The following CADM2 variants were observed in gnomAD, a reference collection of about 807,000 sequenced individuals.
The protein encoded by CADM2 is cell adhesion molecule 2.
A neutral mutation model predicts 49.8 loss-of-function variants in CADM2; 12 were observed. The ratio of observed to expected loss-of-function variants is 0.24; its 90% confidence interval spans 0.15 to 0.39. CADM2 has a LOEUF of 0.39. CADM2 is among the 10% of genes least tolerant of loss of function. CADM2 has a pLI of 1.00. For missense variants in CADM2, 378 were observed against 492.3 expected (o/e 0.77, Z 2.20); for synonymous variants, 214 against 175.4 (o/e 1.22, Z -1.74).
intron 1 of CADM2, among the ~76,000 whole-genome samples, chr3:85,281,275 C>T (rs2043492842): frequency 6.6e-6 from 1 of 151,616 alleles, no homozygotes; most frequent in Non-Finnish European, 1.5e-5. Flanking sequence ...ATTATTAGAT[C>T]AGGGTTAATA....
At chr3:85,496,088 G>C (rs957511394) in intron 1 of CADM2, among the ~76,000 whole-genome samples, 1 of 152,106 alleles carries the variant, frequency 6.6e-6, no homozygotes, top group Non-Finnish European at 1.5e-5. Context: ...TACACGTTCA[G>C]GTTTGTTACA....
At chr3:85,852,383 G>A (rs2075142190) in intron 3 of CADM2, among the ~76,000 whole-genome samples, 1 of 152,036 alleles carries the variant, frequency 6.6e-6, no homozygotes, top group African/African-American at 2.4e-5. Context: ...ATAGCTGGTA[G>A]CAAAGATCTT....
chr3:85,484,791 T>C (rs563999005), intron 1 of CADM2, among the ~76,000 whole-genome samples: 1 of 152,102 alleles, frequency 6.6e-6, no homozygotes, highest in African/African-American at 2.4e-5. Context: ...TCATTGATGG[T>C]TTATCAAATC....
chr3:85,395,270 C>T (rs1489493441), intron 1 of CADM2, among the ~76,000 whole-genome samples: 10 of 126,302 alleles, frequency 7.9e-5, no homozygotes, highest in African/African-American at 3.2e-4. Flanking sequence ...TGCACTTCAG[C>T]CTGGGCAATA....
At chr3:85,740,772 C>T (rs552105287) in intron 2 of CADM2, among the ~76,000 whole-genome samples, 32 of 152,274 alleles carry the variant, frequency 2.1e-4, no homozygotes, top group African/African-American at 7.2e-4. Context: ...ACACAACTTA[C>T]CTTGATGTAC....
chr3:85,916,171 C>A (rs539421631), intron 6 of CADM2, among the ~76,000 whole-genome samples: 7 of 151,982 alleles, frequency 4.6e-5, no homozygotes, highest in East Asian at 1.9e-4. Context: ...AAAGAGAGTT[C>A]TCTTTTTTTA....
At chr3:85,765,541 C>A (rs2069613765) in intron 2 of CADM2, among the ~76,000 whole-genome samples, 1 of 151,980 alleles carries the variant, frequency 6.6e-6, no homozygotes, top group East Asian at 1.9e-4. Flanking sequence ...ATAGTATCTC[C>A]CTATTTCCTG....
intron 1 of CADM2, among the ~76,000 whole-genome samples, chr3:85,595,588 C>T (rs1450844791): frequency 6.6e-6 from 1 of 151,902 alleles, no homozygotes; most frequent in Non-Finnish European, 1.5e-5. Context: ...AAGGTGGGTG[C>T]AAAGTATAGG....
At chr3:85,156,039 C>T (rs1161826138) in intron 1 of CADM2, among the ~76,000 whole-genome samples, 2 of 152,126 alleles carry the variant, frequency 1.3e-5, no homozygotes, top group Admixed American at 6.6e-5. Flanking sequence ...CCAAAATTGA[C>T]ACCCTAACAT....
intron 1 of CADM2, among the ~76,000 whole-genome samples, chr3:85,683,039 A>G (rs1228902872): frequency 6.6e-6 from 1 of 152,146 alleles, no homozygotes; most frequent in Non-Finnish European, 1.5e-5. Context: ...ATTTCACAAA[A>G]GCTTCAGGGT....
intron 1 of CADM2, among the ~76,000 whole-genome samples, chr3:85,625,024 T>C: frequency 6.6e-6 from 1 of 152,070 alleles, no homozygotes; most frequent in East Asian, 1.9e-4. Context: ...CGGTTCCTCA[T>C]CTATAAAACA....
chr3:85,927,528 T>A (rs1720032804), intron 6 of CADM2, among the ~76,000 whole-genome samples: 1 of 152,198 alleles, frequency 6.6e-6, no homozygotes, highest in African/African-American at 2.4e-5. Flanking sequence ...ACTATGTAAG[T>A]GTTTGTCAAA....
intron 1 of CADM2, among the ~76,000 whole-genome samples, chr3:85,469,982 G>T (rs975154395): frequency 2.0e-5 from 3 of 152,166 alleles, no homozygotes; most frequent in Non-Finnish European, 4.4e-5. Context: ...GGGAGGTGAT[G>T]CTGGAGGGAA....
chr3:85,051,800 T>C (rs916116731), intron 1 of CADM2, among the ~76,000 whole-genome samples: 6 of 152,308 alleles, frequency 3.9e-5, no homozygotes, highest in Admixed American at 1.3e-4. Flanking sequence ...GATATCATTA[T>C]TTAAAAGAAA....
chr3:85,243,089 C>A (rs1399263972), intron 1 of CADM2, among the ~76,000 whole-genome samples: 1 of 151,552 alleles, frequency 6.6e-6, no homozygotes, highest in African/African-American at 2.4e-5. Flanking sequence ...CCACAAATTC[C>A]AAATGAGAAT....
chr3:85,607,193 A>C (rs1490342917), intron 1 of CADM2, among the ~76,000 whole-genome samples: 1 of 152,176 alleles, frequency 6.6e-6, no homozygotes, highest in Non-Finnish European at 1.5e-5. Context: ...GGTCATTTGC[A>C]GGCAATTTCT....
At position 85,259,196 on chromosome 3, in the gene CADM2, G is replaced by A. The variant is rs112214395; in HGVS notation, c.61+299528G>A. On this transcript the variant is annotated intron_variant, in intron 1 of 9. Coordinates refer to ENST00000383699, the MANE Select transcript of CADM2 (RefSeq NM_001167675.2). ...GCAATCACAGTACATGGCAACAAAA[G>A]CACAGTCAAGTCATTGAACGCCGAG... 9.2e-4 allele frequency among the ~76,000 whole-genome samples: 140 copies of A among 152,212 alleles called. 2 individuals are homozygous for A. The Middle Eastern group carries it at 0.02, about 22-fold the overall frequency.
At chr3:85,868,609 A>G (rs2075808232) in intron 3 of CADM2, among the ~76,000 whole-genome samples, 1 of 152,182 alleles carries the variant, frequency 6.6e-6, no homozygotes, top group Non-Finnish European at 1.5e-5. Context: ...TTGTGATGAA[A>G]TTACTCCTTT....
intron 1 of CADM2, among the ~76,000 whole-genome samples, chr3:85,415,748 T>C (rs1289581090): frequency 6.6e-6 from 1 of 152,174 alleles, no homozygotes; most frequent in African/African-American, 2.4e-5. Flanking sequence ...GCATTGATTT[T>C]AAAGTTATGA....
Sources: gnomAD v4.1 joint callset for allele counts (sites outside exome capture counted in the v4.1 genomes callset) on GRCh38, gnomAD v4.1.1 for gene constraint, MANE v1.5 for transcripts, NCBI Gene and HGNC (gene_info 2026-07-23, HGNC 2026-07-21) for gene names.